MSANTD3: variants seen among roughly 807,000 people sequenced by gnomAD.
MSANTD3 encodes the protein myb/SANT-like DNA-binding domain-containing protein 3.
Under a neutral mutation model 27.7 loss-of-function variants are expected in MSANTD3, and 11 were observed. The observed-to-expected ratio is 0.40, with a 90% confidence interval of 0.25 to 0.66. The LOEUF (loss-of-function observed/expected upper bound fraction) is 0.66, where lower values mean the gene tolerates loss of function less well. Among genes scored for constraint, MSANTD3 ranks in the 30% least tolerant of loss-of-function variants. The probability of loss-of-function intolerance (pLI) is 0.41; values close to 1 mark genes in which losing one functional copy is unlikely to be tolerated. For synonymous variants in MSANTD3, 131 were observed against 127.2 expected (o/e 1.03, Z -0.20); for missense variants, 250 against 336.5 (o/e 0.74, Z 2.01).
intron 1 of MSANTD3, among the ~76,000 whole-genome samples, chr9:100,434,460 G>A: frequency 6.6e-6 from 1 of 152,092 alleles, no homozygotes. Flanking sequence ...AACCCAGGAG[G>A]CGGAGGTTGC....
At chr9:100,434,931 A>G (rs979340295) in intron 1 of MSANTD3, among the ~76,000 whole-genome samples, 6 of 152,078 alleles carry the variant, frequency 3.9e-5, no homozygotes, top group African/African-American at 9.7e-5. Context: ...TGTGTATGAA[A>G]TAAAGAGCCA....
chr9:100,435,468 G>A (rs534783870), intron 1 of MSANTD3, among the ~76,000 whole-genome samples: 2 of 152,254 alleles, frequency 1.3e-5, no homozygotes, highest in Admixed American at 6.5e-5. Context: ...CACCCTTGGT[G>A]GACTTAAAAA....
intron 1 of MSANTD3, among the ~76,000 whole-genome samples, chr9:100,438,457 T>C (rs1249095468): frequency 1.3e-5 from 2 of 150,266 alleles, no homozygotes; most frequent in Admixed American, 6.6e-5. Flanking sequence ...CACACACATA[T>C]AATGTATATG....
intron 1 of MSANTD3, among the ~76,000 whole-genome samples, chr9:100,438,914 A>G (rs527842120): frequency 3.3e-5 from 5 of 152,334 alleles, no homozygotes; most frequent in African/African-American, 1.2e-4. Flanking sequence ...AAACAGAAGC[A>G]TGGGAATTTA....
Position 100,443,431 on chromosome 9 carries a change from A to T in MSANTD3, c.418+1075A>T, listed in dbSNP as rs182464950. Among the ~76,000 whole-genome samples, 132 of 152,212 alleles carry T rather than the reference A, an allele frequency of 8.7e-4. 3 individuals carry two copies. In the East Asian group the frequency reaches 0.023, roughly 26 times the overall value. Reference sequence around the variant, plus strand: ...AAAAAAAAGAACTATTTCAAACTTTAAAAAAAGTGCAAAGAATAATATGAT... The same window carrying T: ...AAAAAAAAGAACTATTTCAAACTTTTAAAAAAGTGCAAAGAATAATATGAT... On this transcript the variant is annotated intron_variant, in intron 2 of 2. Coordinates refer to ENST00000395067, the MANE Select transcript of MSANTD3 (RefSeq NM_080655.3).
At position 100,451,134 on chromosome 9, in the gene MSANTD3, C is replaced by G. The variant is rs147945991; in HGVS notation, c.*168C>G. ...GTAAACAGCTGCACCCTCTGTACCC[C>G]TTAAGTGGCAAAGAAGCTGTTATAG... On this transcript the variant is annotated 3_prime_UTR_variant, in exon 3 of 3. Coordinates refer to ENST00000395067, the MANE Select transcript of MSANTD3 (RefSeq NM_080655.3). 7.3e-5 allele frequency: 44 copies of G among 601,628 alleles called. No individual in the cohort carries two copies. In the African/African-American group the frequency reaches 7.6e-4, roughly 10 times the overall value. The allele number at this position is 601,628 out of a possible 1,614,324, so 37.3% of individuals were successfully genotyped here.
chr9:100,428,992 C>A (rs1836304060), intron 1 of MSANTD3, among the ~76,000 whole-genome samples: 1 of 152,126 alleles, frequency 6.6e-6, no homozygotes, highest in South Asian at 2.1e-4. Context: ...GAGGACTTCA[C>A]CCCACCATCT....
At chr9:100,431,349 A>C (rs1836373782) in intron 1 of MSANTD3, among the ~76,000 whole-genome samples, 1 of 139,876 alleles carries the variant, frequency 7.1e-6, no homozygotes, top group African/African-American at 2.7e-5. Context: ...TCTTTCACCT[A>C]GGTTGGAGTG....
intron 2 of MSANTD3, chr9:100,445,246 T>A: frequency 6.5e-7 from 1 of 1,527,084 alleles, no homozygotes; most frequent in Admixed American, 1.7e-5. Context: ...AGGTGGAAAA[T>A]CTGCTATAGA....
At chr9:100,443,933 C>T (rs1836692298) in intron 2 of MSANTD3, among the ~76,000 whole-genome samples, 1 of 152,158 alleles carries the variant, frequency 6.6e-6, no homozygotes, top group Non-Finnish European at 1.5e-5. Context: ...AAATCTGGTT[C>T]TCAGCTTGCA....
At chr9:100,449,695 G>A (rs72735119) in intron 2 of MSANTD3, among the ~76,000 whole-genome samples, 6,651 of 152,198 alleles carry the variant, frequency 0.044, 327 homozygotes, top group South Asian at 0.22. Flanking sequence ...AGAAAGAAAG[G>A]AAGGTCAGAA....
chr9:100,442,310 C>T lies in MSANTD3; in HGVS notation c.372C>T (p.Ser124=), dbSNP rs766368538. Residue 124 remains serine (S), a synonymous_variant, in exon 2 of 3, where the codon AGC becomes AGT. Transcript: ENST00000395067. ...CGGAGCAGCTCTACTTCCTGCAGAG[C>T]CCCCCGGAGGAGGAGCCCGAATACC... The part of the protein sequence containing the change: ...MLPEQLYFLQ[S]PPEEEPEYHP... 6.2e-7 allele frequency: 1 copy of T among 1,613,714 alleles called. No homozygotes were observed. The highest frequency in any genetic ancestry group is 1.3e-5 in the African/African-American group (1 of 75,040).
chr9:100,441,911 C>T lies in MSANTD3; in HGVS notation c.-28C>T. The T allele has an allele frequency of 1.3e-6, 2 of 1,567,898 alleles. No homozygotes were observed. The highest frequency in any genetic ancestry group is 1.7e-6 in the Non-Finnish European group (2 of 1,156,328). On this transcript the variant is annotated 5_prime_UTR_variant, in exon 2 of 3. Transcript: ENST00000395067. ...CTTCAAACTTCCTTTTACAGGATAGCTAGCGGCCAGGAGAAATACAGTGGA... is the reference window on the plus strand; with the variant it reads ...CTTCAAACTTCCTTTTACAGGATAGTTAGCGGCCAGGAGAAATACAGTGGA...
At chr9:100,443,256 G>A (rs1046754105) in intron 2 of MSANTD3, among the ~76,000 whole-genome samples, 18 of 151,936 alleles carry the variant, frequency 1.2e-4, no homozygotes, top group Middle Eastern at 3.2e-3. Flanking sequence ...AAAATTAGCC[G>A]GGCGTGGTGG....
At chr9:100,427,431 G>T (rs889207687) in intron 1 of MSANTD3, 38 bp downstream of exon 1, 7 of 149,324 alleles carry the variant, frequency 4.7e-5, no homozygotes, top group Non-Finnish European at 7.5e-5. Flanking sequence ...GCAGCCGGGC[G>T]GGGGCGGGGG....
chr9:100,428,605 G>C (rs1431587509), intron 1 of MSANTD3, among the ~76,000 whole-genome samples: 2 of 152,126 alleles, frequency 1.3e-5, no homozygotes, highest in Non-Finnish European at 2.9e-5. Context: ...TGCTGGGGCA[G>C]GGGGTGGGGA....
chr9:100,435,837 A>G (rs1407469437), intron 1 of MSANTD3, among the ~76,000 whole-genome samples: 2 of 152,200 alleles, frequency 1.3e-5, no homozygotes, highest in African/African-American at 4.8e-5. Flanking sequence ...CCAGTCCCCA[A>G]ATACAACCAC....
chr9:100,432,365 C>T (rs1392141090), intron 1 of MSANTD3, among the ~76,000 whole-genome samples: 1 of 152,170 alleles, frequency 6.6e-6, no homozygotes, highest in Non-Finnish European at 1.5e-5. Context: ...CAATTACTCT[C>T]ACCTCTGGAT....
At chr9:100,433,503 G>C (rs1294346205) in intron 1 of MSANTD3, among the ~76,000 whole-genome samples, 1 of 152,072 alleles carries the variant, frequency 6.6e-6, no homozygotes, top group Non-Finnish European at 1.5e-5. Context: ...CCTAGTAGCT[G>C]GGGCTATAGG....
Sources: allele counts gnomAD v4.1 joint callset (sites outside exome capture counted in the v4.1 genomes callset), GRCh38; gene constraint gnomAD v4.1.1; transcripts MANE v1.5; gene names NCBI Gene and HGNC (gene_info 2026-07-23, HGNC 2026-07-21).